Variants in TTC29 observed in about 807,000 individuals in gnomAD.
TTC29 encodes the protein tetratricopeptide repeat protein 29.
Under a neutral mutation model 58.1 loss-of-function variants are expected in TTC29, and 49 were observed. That is an observed-to-expected ratio of 0.84 (90% CI 0.67 to 1.07). The LOEUF is 1.07. Among genes scored for constraint, TTC29 ranks in the 50% least tolerant of loss-of-function variants. The pLI is 0.00. For synonymous variants in TTC29, 209 were observed against 196.8 expected, an observed-to-expected ratio of 1.06 and a Z score of -0.52; for missense variants, 582 against 555.6, an observed-to-expected ratio of 1.05 and a Z score of -0.48.
chr4:146,771,060 T>C (rs1747688828), intron 11 of TTC29, among the ~76,000 whole-genome samples: 1 of 152,092 alleles, frequency 6.6e-6, no homozygotes. Context: ...GATATGTTAA[T>C]ACTCAATAAG....
chr4:146,826,671 G>A (rs919372289), intron 9 of TTC29, among the ~76,000 whole-genome samples: 8 of 152,032 alleles, frequency 5.3e-5, no homozygotes, highest in Non-Finnish European at 1.2e-4. Context: ...GCTAGGTTGG[G>A]AAAATTCTCC....
At chr4:146,795,359 A>G (rs918697269) in intron 11 of TTC29, among the ~76,000 whole-genome samples, 1 of 152,140 alleles carries the variant, frequency 6.6e-6, no homozygotes, top group Non-Finnish European at 1.5e-5. Context: ...TGTCTTGCCC[A>G]GCATTTCCTA....
intron 7 of TTC29, among the ~76,000 whole-genome samples, chr4:146,872,441 G>A (rs922266930): frequency 6.6e-6 from 1 of 151,932 alleles, no homozygotes; most frequent in Non-Finnish European, 1.5e-5. Context: ...CCATCAGGAA[G>A]TGAAAATAAA....
At chr4:146,798,319 G>C (rs1213379427) in intron 11 of TTC29, among the ~76,000 whole-genome samples, 5 of 152,084 alleles carry the variant, frequency 3.3e-5, no homozygotes, top group Non-Finnish European at 4.4e-5. Flanking sequence ...TAAGACACAG[G>C]ATTGGATACA....
chr4:146,801,978 CAAAAAAAAAAAAAAAAA>C (rs57486017), intron 11 of TTC29, among the ~76,000 whole-genome samples: 2 of 38,774 alleles, frequency 5.2e-5, no homozygotes, highest in Non-Finnish European at 1.3e-4. Context: ...GACTCTGTCT[CAAAAAAAAAAAAAAAAA>C]AAAAAAAAAA....
At chr4:146,857,336 C>T (rs1419638730) in intron 8 of TTC29, among the ~76,000 whole-genome samples, 11 of 148,012 alleles carry the variant, frequency 7.4e-5, no homozygotes, top group Non-Finnish European at 1.5e-4. Flanking sequence ...TGAGCCACAA[C>T]AGTTGGGGGA....
chr4:146,776,427 C>CT (rs1247218149), intron 11 of TTC29, among the ~76,000 whole-genome samples: 1 of 151,254 alleles, frequency 6.6e-6, no homozygotes, highest in Non-Finnish European at 1.5e-5. Flanking sequence ...TTTGAAGCTG[C>CT]TGTCCTTTGG....
At chr4:146,938,238 C>T (rs6835054) in intron 3 of TTC29, among the ~76,000 whole-genome samples, 3,337 of 152,050 alleles carry the variant, frequency 0.022, 107 homozygotes, top group African/African-American at 0.075. Flanking sequence ...TTCTTCACAC[C>T]CTTTTGCACC....
chr4:146,832,416 C>T lies in TTC29; in HGVS notation c.977+1390G>A, dbSNP rs139561690. Reference sequence around the variant, plus strand: ...ATGTTTATTTAGAAGGATCACAACACTCACAGGCTGCTTGCCTTATCCATG... The same window carrying T: ...ATGTTTATTTAGAAGGATCACAACATTCACAGGCTGCTTGCCTTATCCATG... On this transcript the variant is annotated intron_variant, in intron 9 of 12. Coordinates refer to ENST00000325106, the MANE Select transcript of TTC29 (RefSeq NM_031956.4). Among the ~76,000 whole-genome samples the T allele has an allele frequency of 9.5e-4, 145 of 152,268 alleles. 4 individuals carry two copies. The East Asian group carries it at 0.022, about 23-fold the overall frequency.
rs770496050 is a variant in TTC29, at chr4:146,803,580, C to A, written c.1207G>T (p.Ala403Ser). The change falls in exon 11 of 13, where the codon GCA becomes TCA. Residue 403 changes from alanine (A) to serine (S), a missense_variant. By Grantham distance (99) the Ala-to-Ser change is moderately conservative (BLOSUM62 1). Transcript: ENST00000325106. ...GTAAGCATCATCTGATGAGCTTTTG[C>A]TATTCCATAGTGAACTTTTGTCTCA... ...MDETKVHYGI[A>S]KAHQMMLTVN... The A allele has an allele frequency of 5.0e-6, 8 of 1,607,738 alleles. No individual in the cohort carries two copies. In the Admixed American group the frequency reaches 1.3e-4, roughly 27 times the overall value.
intron 11 of TTC29, among the ~76,000 whole-genome samples, chr4:146,773,734 A>G (rs182761280): frequency 1.2e-4 from 18 of 150,864 alleles, no homozygotes; most frequent in African/African-American, 4.4e-4. Flanking sequence ...TTATAGTATC[A>G]GGATGATGCT....
At chr4:146,917,218 C>T (rs970021707) in intron 4 of TTC29, among the ~76,000 whole-genome samples, 11 of 150,488 alleles carry the variant, frequency 7.3e-5, no homozygotes, top group Admixed American at 2.0e-4. Context: ...GTCATTACAA[C>T]TAGAATTCAT....
chr4:146,908,626 T>A (rs62328051), intron 5 of TTC29, among the ~76,000 whole-genome samples: 43,032 of 152,036 alleles, frequency 0.28, 6,665 homozygotes, highest in South Asian at 0.41. Context: ...CTATCTAAAC[T>A]TAGGAAAATC....
chr4:146,713,182 T>C (rs1459003260), intron 11 of TTC29, among the ~76,000 whole-genome samples: 1 of 150,740 alleles, frequency 6.6e-6, no homozygotes, highest in Non-Finnish European at 1.5e-5. Context: ...ATAATAACCA[T>C]AAAATGCAAA....
chr4:146,813,409 G>T (rs956344933), intron 10 of TTC29, among the ~76,000 whole-genome samples: 3 of 152,092 alleles, frequency 2.0e-5, no homozygotes, highest in Non-Finnish European at 4.4e-5. Flanking sequence ...TAGGATGAGT[G>T]GTCCATTTTC....
chr4:146,854,836 A>G (rs539455088), intron 8 of TTC29, among the ~76,000 whole-genome samples: 34 of 152,350 alleles, frequency 2.2e-4, no homozygotes, highest in African/African-American at 7.5e-4. Flanking sequence ...GTGCAAAAGA[A>G]TATTAAATTC....
chr4:146,944,071 T>C (rs1736688190), intron 2 of TTC29: 1 of 152,168 alleles, frequency 6.6e-6, no homozygotes, highest in African/African-American at 2.4e-5. Flanking sequence ...TTCAGGTGAG[T>C]AAGAAAGAAG....
At chr4:146,909,319 C>G in intron 4 of TTC29, 70 bp from the exon 5 acceptor site, 2 of 1,210,826 alleles carry the variant, frequency 1.7e-6, no homozygotes, top group African/African-American at 1.5e-5. Context: ...TTTTCATTCT[C>G]TAATAATTAA....
chr4:146,819,984 T>C (rs1301538937), intron 10 of TTC29, 141 bp downstream of exon 10: 1 of 1,103,292 alleles, frequency 9.1e-7, no homozygotes, highest in African/African-American at 1.6e-5. Flanking sequence ...CCATGGACAT[T>C]AACTACACCC....
Sources: allele counts gnomAD v4.1 joint callset (sites outside exome capture counted in the v4.1 genomes callset), GRCh38; gene constraint gnomAD v4.1.1; transcripts MANE v1.5; gene names NCBI Gene and HGNC (gene_info 2026-07-23, HGNC 2026-07-21).